Variants in SGCD observed in about 807,000 individuals in gnomAD.
The protein encoded by SGCD is sarcoglycan delta, also known as delta-sarcoglycan.
A neutral mutation model predicts 36.6 loss-of-function variants in SGCD; 18 were observed. The observed-to-expected ratio is 0.49, with a 90% CI of 0.34 to 0.73. The LOEUF (loss-of-function observed/expected upper bound fraction) is 0.73. Among genes scored for constraint, SGCD ranks in the 30% least tolerant of loss-of-function variants. The pLI is 0.01. For synonymous variants in SGCD, 133 were observed against 130.6 expected (o/e 1.02, Z -0.12); for missense variants, 387 against 346.7 (o/e 1.12, Z -0.92).
chr5:156,580,340 T>G (rs946894186), intron 4 of SGCD, among the ~76,000 whole-genome samples: 1 of 152,208 alleles, frequency 6.6e-6, no homozygotes, highest in Non-Finnish European at 1.5e-5. Flanking sequence ...TTTGGCTGCC[T>G]TTAACATTTT....
At chr5:155,901,397 A>G (rs1178994870) in intron 1 of SGCD, among the ~76,000 whole-genome samples, 3 of 152,138 alleles carry the variant, frequency 2.0e-5, no homozygotes, top group Non-Finnish European at 4.4e-5. Flanking sequence ...GATGCACTAT[A>G]AATTAAGGTG....
At position 156,056,645 on chromosome 5, in the gene SGCD, T is replaced by TAA. The variant is rs561328077; in HGVS notation, c.-281-61214_-281-61213dup. On this transcript the variant is annotated intron_variant, in intron 1 of 9. Coordinates refer to the SGCD transcript ENST00000517913. ...GGTCCCCTACCTGCCAAATTATCCT[T>TAA]AAAAAAAAAAAAAAAAAAAACAGTC... Among the ~76,000 whole-genome samples, 49 of 68,266 alleles carry TAA rather than the reference T, an allele frequency of 7.2e-4. 3 individuals carry two copies. The highest frequency in any genetic ancestry group is 2.5e-3 in the East Asian group (4 of 1,572). 44.8% of individuals were successfully genotyped at this position (68,266 alleles called of 152,430 possible).
chr5:156,690,495 G>T lies in SGCD; in HGVS notation c.575+42959G>T, dbSNP rs567812170. The stretch of plus-strand genomic sequence containing the variant: ...TATGCTGGTGAGTTGTTTTTGAGTA[G>T]AGATGTACAGCAAGAAGTCAGACTT... On this transcript the variant is annotated intron_variant, in intron 7 of 8. Transcript: ENST00000337851. Among the ~76,000 whole-genome samples the T allele has an allele frequency of 1.3e-4, 20 of 152,228 alleles. No individual in the cohort carries two copies. In the South Asian group the frequency reaches 3.5e-3, roughly 27 times the overall value.
intron 3 of SGCD, among the ~76,000 whole-genome samples, chr5:156,385,807 G>T (rs10476369): frequency 6.6e-6 from 1 of 152,094 alleles, no homozygotes; most frequent in Non-Finnish European, 1.5e-5. Flanking sequence ...AAATATTACC[G>T]ACATTCCCAT....
At chr5:156,314,165 T>A (rs1235018988) in intron 3 of SGCD, among the ~76,000 whole-genome samples, 1 of 151,904 alleles carries the variant, frequency 6.6e-6, no homozygotes, top group Non-Finnish European at 1.5e-5. Flanking sequence ...AAAGGCCAAA[T>A]CTATAGGAGG....
At chr5:156,398,400 T>C (rs894006855) in intron 3 of SGCD, among the ~76,000 whole-genome samples, 1 of 152,152 alleles carries the variant, frequency 6.6e-6, no homozygotes, top group Non-Finnish European at 1.5e-5. Context: ...TGATGGACAA[T>C]TGAATGAAAT....
intron 4 of SGCD, among the ~76,000 whole-genome samples, chr5:156,555,330 T>C (rs1460012993): frequency 1.3e-5 from 2 of 152,196 alleles, no homozygotes; most frequent in African/African-American, 4.8e-5. Context: ...CTATGCTTCC[T>C]TACAAAGATT....
intron 3 of SGCD, among the ~76,000 whole-genome samples, chr5:156,175,608 G>A (rs909555172): frequency 2.6e-5 from 4 of 151,984 alleles, no homozygotes; most frequent in Admixed American, 2.6e-4. Context: ...GTTACTCAGT[G>A]GAAAATAAAA....
chr5:155,779,590 G>A, the SGCD span, among the ~76,000 whole-genome samples: 1 of 150,778 alleles, frequency 6.6e-6, no homozygotes, highest in Non-Finnish European at 1.5e-5. Flanking sequence ...CTTAAAAAAT[G>A]TTGTCTGTGT....
chr5:155,797,908 T>C, the SGCD span, among the ~76,000 whole-genome samples: 1 of 152,206 alleles, frequency 6.6e-6, no homozygotes, highest in Non-Finnish European at 1.5e-5. Context: ...CAAAAAGCCA[T>C]CATACCAGTG....
chr5:156,589,759 G>A (rs1056457998), intron 5 of SGCD, among the ~76,000 whole-genome samples: 5 of 152,186 alleles, frequency 3.3e-5, no homozygotes, highest in African/African-American at 1.2e-4. Flanking sequence ...TTGAACCCAT[G>A]CCATATTTGC....
Position 156,159,944 on chromosome 5 carries a change from T to C in SGCD, c.-44+35925T>C, listed in dbSNP as rs1441507242. Among the ~76,000 whole-genome samples, 3 of 151,582 alleles carry C rather than the reference T, an allele frequency of 2.0e-5. No individual in the cohort carries two copies. In the East Asian group the frequency reaches 5.8e-4, roughly 29 times the overall value. On this transcript the variant is annotated intron_variant, in intron 3 of 9. Coordinates refer to the SGCD transcript ENST00000517913. Reference sequence around the variant, plus strand: ...TGATTATCAAGAAAAGCTGACATATTTTTCTTAAGTCCCATGGAAGACTTG... The same window carrying C: ...TGATTATCAAGAAAAGCTGACATATCTTTCTTAAGTCCCATGGAAGACTTG...
At chr5:156,543,138 C>T (rs1366953465) in intron 4 of SGCD, among the ~76,000 whole-genome samples, 3 of 152,198 alleles carry the variant, frequency 2.0e-5, no homozygotes, top group Non-Finnish European at 4.4e-5. Flanking sequence ...TGTTTCTCAA[C>T]CTCAGCACTT....
intron 3 of SGCD, among the ~76,000 whole-genome samples, chr5:156,390,811 T>G (rs1445829202): frequency 2.0e-5 from 3 of 152,184 alleles, no homozygotes; most frequent in Admixed American, 6.5e-5. Context: ...AAGAAAATAT[T>G]TGTGTACAGC....
At chr5:156,194,318 G>T (rs1245306050) in intron 3 of SGCD, among the ~76,000 whole-genome samples, 2 of 152,098 alleles carry the variant, frequency 1.3e-5, no homozygotes, top group African/African-American at 4.8e-5. Context: ...GGTAGAGGTT[G>T]CACTGAGCAG....
the SGCD span, among the ~76,000 whole-genome samples, chr5:155,798,008 C>T: frequency 6.6e-6 from 1 of 152,114 alleles, no homozygotes; most frequent in Non-Finnish European, 1.5e-5. Context: ...TTCAGTTGTT[C>T]CTCACCCACT....
the SGCD span, among the ~76,000 whole-genome samples, chr5:155,834,849 T>C: frequency 6.6e-6 from 1 of 151,272 alleles, no homozygotes; most frequent in East Asian, 2.0e-4. Flanking sequence ...TTTTTTTTTT[T>C]TCGTGAGACG....
At chr5:156,482,656 C>T (rs1245931230) in intron 3 of SGCD, among the ~76,000 whole-genome samples, 2 of 151,948 alleles carry the variant, frequency 1.3e-5, no homozygotes, top group African/African-American at 4.8e-5. Context: ...TGATAAATGC[C>T]TTTTAAGCCT....
At chr5:156,401,761 TA>T (rs34971930) in intron 3 of SGCD, among the ~76,000 whole-genome samples, 59,832 of 151,972 alleles carry the variant, frequency 0.39, 12,503 homozygotes, top group Middle Eastern at 0.54. Context: ...TCCCTCTTTT[TA>T]AAAAAAATTT....
Sources: allele counts gnomAD v4.1 joint callset (sites outside exome capture counted in the v4.1 genomes callset), GRCh38; gene constraint gnomAD v4.1.1; transcripts MANE v1.5; gene names NCBI Gene and HGNC (gene_info 2026-07-23, HGNC 2026-07-21).